NPC1L1: variants seen among roughly 807,000 people sequenced by gnomAD.
The protein encoded by NPC1L1 is NPC1 like intracellular cholesterol transporter 1, also known as NPC1-like intracellular cholesterol transporter 1.
NPC1L1 carries 98 observed loss-of-function variants against 117.0 expected under a neutral mutation model. The ratio of observed to expected loss-of-function variants is 0.84; its 90% CI spans 0.71 to 0.99. NPC1L1 has a LOEUF of 0.99. Among genes scored for constraint, NPC1L1 ranks in the 50% least tolerant of loss-of-function variants. NPC1L1 has a pLI of 0.00. For missense variants in NPC1L1, 1,540 were observed against 1,710.0 expected (o/e 0.90, Z 1.75); for synonymous variants, 729 against 727.6 (o/e 1.00, Z -0.03).
chr7:44,522,774 C>T (rs1019784885), intron 10 of NPC1L1, among the ~76,000 whole-genome samples: 15 of 152,196 alleles, frequency 9.9e-5, no homozygotes, highest in Non-Finnish European at 2.2e-4. Flanking sequence ...CACACACTGA[C>T]ACACACAAAC....
rs1422731262 is a variant in NPC1L1 at position 44,513,429 on chromosome 7, A to G, written c.*18T>C. 3.7e-6 allele frequency: 6 copies of G among 1,612,494 alleles called. No individual in the cohort carries two copies. Among genetic ancestry groups the G allele is most frequent in the Non-Finnish European group, 5.1e-6 (6 of 1,178,542 alleles). ...TTTGGTTCAGGGCCATAGAGCCTAG[A>G]CAGGGCCTCTGGCTGTATCAGAACT... On this transcript the variant is annotated 3_prime_UTR_variant, in exon 19 of 19. Coordinates refer to ENST00000381160, the MANE Select transcript of NPC1L1 (RefSeq NM_001101648.2).
intron 14 of NPC1L1, among the ~76,000 whole-genome samples, chr7:44,519,476 G>A (rs1801287354): frequency 6.6e-6 from 1 of 152,152 alleles, no homozygotes; most frequent in Non-Finnish European, 1.5e-5. Flanking sequence ...GGCTGGGCAG[G>A]GTGCATTGCC....
intron 10 of NPC1L1, 90 bp downstream of exon 10, chr7:44,531,665 G>T: frequency 8.6e-7 from 1 of 1,158,100 alleles, no homozygotes; most frequent in Non-Finnish European, 1.3e-6. Flanking sequence ...CAAGCCCCTG[G>T]CCGGAGGACC....
At chr7:44,521,625 G>A (rs1801355126) in intron 12 of NPC1L1, 87 bp downstream of exon 12, 1 of 1,593,780 alleles carries the variant, frequency 6.3e-7, no homozygotes, top group Non-Finnish European at 8.6e-7. Flanking sequence ...GGGAGAGGTT[G>A]AGGGAGCCTC....
rs368578635 is a variant in NPC1L1 at position 44,540,233 on chromosome 7, A to G, written c.164T>C (p.Val55Ala). 5.0e-6 allele frequency: 8 copies of G among 1,613,952 alleles called. No individual in the cohort carries two copies. In the African/African-American group the frequency reaches 1.1e-4, roughly 22 times the overall value. ...GGCCGGCGTGTTGGACAGGCAGGAC[A>G]CGTTGGAGAGTGTCATGAGGCTTCC... is the stretch of plus-strand genomic sequence containing the variant. Reference protein sequence around the residue: ...LSGSLMTLSNVSCLSNTPARK... With the variant: ...LSGSLMTLSNASCLSNTPARK... The change falls in exon 2 of 19, where the codon GTG becomes GCG. Residue 55 changes from valine to alanine, a missense_variant. By Grantham distance (64) the Val-to-Ala change is moderately conservative. Transcript: ENST00000381160.
chr7:44,532,322 A>C (rs1462382091), intron 8 of NPC1L1, 105 bp from the exon 9 acceptor site: 1 of 1,369,794 alleles, frequency 7.3e-7, no homozygotes, highest in Non-Finnish European at 1.0e-6. Context: ...GGCCCGTGCC[A>C]GTGCCCTCAT....
chr7:44,513,343 C>T lies in NPC1L1; in HGVS notation c.*104G>A. 8.9e-7 allele frequency: 1 copy of T among 1,123,898 alleles called. No homozygotes were observed. Among genetic ancestry groups the T allele is most frequent in the Non-Finnish European group, 1.3e-6 (1 of 744,256 alleles). 69.6% of individuals were successfully genotyped at this position (1,123,898 alleles called of 1,614,324 possible). ...ACAGGCAGTCTCATGGGAATGGCCT[C>T]CCCTAGGATTTGAGGAGGGCGTGTG... On this transcript the variant is annotated 3_prime_UTR_variant, in exon 19 of 19. Coordinates refer to ENST00000381160, the MANE Select transcript of NPC1L1 (RefSeq NM_001101648.2).
In NPC1L1 at chr7:44,539,580, C is replaced by A. The variant is rs138140250; in HGVS notation, c.817G>T (p.Asp273Tyr). ...ATCTGGCCCAGGTAGAAGGTGGAGT[C>A]GAGGGCCTGGGGGCGGGCTATGGCA... The part of the protein sequence containing the change: ...CPAIARPQAL[D>Y]STFYLGQMPG... Residue 273 changes from aspartate to tyrosine, a missense_variant, in exon 2 of 19, where the codon GAC (aspartate) becomes TAC (tyrosine). This residue lies in a region of NPC1L1 where 793 missense variants were observed against 820.4 expected (regional missense o/e 0.97). Transcript: ENST00000381160. This position sits in a 1 kb window ranked among gnomAD's most constrained non-coding sequence, Gnocchi z 4.4. The A allele has an allele frequency of 1.9e-3, 3,137 of 1,614,040 alleles. 95 individuals are homozygous for A. In the Admixed American group the frequency reaches 0.05, roughly 25 times the overall value.
At position 44,538,778 on chromosome 7, in the gene NPC1L1, C is replaced by G. The variant is rs769780399; in HGVS notation, c.1580+39G>C. ...GAGGCCATGGCAGCCCAGCCCCAGC[C>G]CCAGCCCACTCCTCGCTTGGGCCCC... On this transcript the variant is annotated intron_variant, in intron 2 of 18. Transcript: ENST00000381160. The surrounding 1 kb of genome is among the most constrained non-coding windows in gnomAD (Gnocchi z 5.9). The G allele has an allele frequency of 4.4e-5, 70 of 1,607,394 alleles. No individual in the cohort carries two copies. The South Asian group carries it at 7.3e-4, about 17-fold the overall frequency.
chr7:44,538,905 G>C lies in NPC1L1; in HGVS notation c.1492C>G (p.Arg498Gly), dbSNP rs138815315. Reference sequence around the variant, plus strand: ...TTGGCTGTGAGCAGCAGGAGCGTGCGGTTGTTCTGGAAATACTGCAGGAGG... The same window carrying C: ...TTGGCTGTGAGCAGCAGGAGCGTGCCGTTGTTCTGGAAATACTGCAGGAGG... ...NSLLQYFQNN[R>G]TLLLLTANQT... The change falls in exon 2 of 19, where the codon CGC (arginine) becomes GGC (glycine). Residue 498 changes from arginine to glycine, a missense_variant. Coordinates refer to ENST00000381160, the MANE Select transcript of NPC1L1 (RefSeq NM_001101648.2). The surrounding 1 kb of genome is among the most constrained non-coding windows in gnomAD (Gnocchi z 5.9). 1 of 1,614,112 alleles carries C rather than the reference G, an allele frequency of 6.2e-7. No individual in the cohort carries two copies. Among genetic ancestry groups the C allele is most frequent in the Non-Finnish European group, 8.5e-7 (1 of 1,180,040 alleles).
In NPC1L1 at chr7:44,539,294, G is replaced by A. The variant is rs200072878; in HGVS notation, c.1103C>T (p.Ala368Val). ...LSVIPVVALA[A>V]GLVFTELTTD... ...AGTGAGTTCTGTAAAGACCAGGCCCGCTGCCAAGGCCACCACCGGGATGAC... is the reference window on the plus strand; with the variant it reads ...AGTGAGTTCTGTAAAGACCAGGCCCACTGCCAAGGCCACCACCGGGATGAC... The change falls in exon 2 of 19, where the codon GCG (alanine) becomes GTG (valine). Residue 368 changes from alanine (A) to valine (V), a missense_variant. Ala to Val is a moderately conservative substitution (Grantham distance 64). Transcript: ENST00000381160. This position sits in a 1 kb window ranked among gnomAD's most constrained non-coding sequence, Gnocchi z 4.4. 46 of 1,613,948 alleles carry A rather than the reference G, an allele frequency of 2.9e-5. No individual in the cohort carries two copies. Among genetic ancestry groups the A allele is most frequent in the East Asian group, 2.2e-4 (10 of 44,872 alleles).
chr7:44,541,320 G>T lies in NPC1L1; in HGVS notation c.-61C>A. On this transcript the variant is annotated 5_prime_UTR_variant, in exon 1 of 19. Transcript: ENST00000381160. ...CAGGCCTCAGGAACAGCCAAGGGCT[G>T]AACACACATTAAGGCAGCCTCCTCC... 1 of 1,500,220 alleles carries T rather than the reference G, an allele frequency of 6.7e-7. No homozygotes were observed. The highest frequency in any genetic ancestry group is 1.2e-5 in the South Asian group (1 of 82,394). 92.9% of individuals were successfully genotyped at this position (1,500,220 alleles called of 1,614,324 possible). A position where few individuals can be genotyped will look rare whatever the true frequency, so the allele number is the denominator to read the frequency against.
intron 12 of NPC1L1, among the ~76,000 whole-genome samples, chr7:44,521,438 C>T (rs1313333491): frequency 1.3e-5 from 2 of 152,222 alleles, no homozygotes; most frequent in African/African-American, 2.4e-5. Flanking sequence ...CCTGACTCCC[C>T]ACTGCCCTGC....
chr7:44,519,808 C>CTTTT (rs367934615), intron 14 of NPC1L1, among the ~76,000 whole-genome samples: 5 of 149,164 alleles, frequency 3.4e-5, no homozygotes, highest in African/African-American at 4.9e-5. Flanking sequence ...TTACTTTTTT[C>CTTTT]TTTCTTTTTT....
chr7:44,534,486 C>G lies in NPC1L1; in HGVS notation c.2127G>C (p.Val709=). The G allele has an allele frequency of 1.9e-6, 3 of 1,614,124 alleles. No homozygotes were observed. The East Asian group carries it at 6.7e-5, about 36-fold the overall frequency. ...CAAAGATGAAGATGTTATCAGCCCC[C>G]ACGGACAGCACCAGGAAAGGAACCA... ...LQVVPFLVLS[V]GADNIFIFVL... The change falls in exon 6 of 19, where the codon GTG becomes GTC. Residue 709 remains valine (V), a synonymous_variant. Transcript: ENST00000381160. This position sits in a 1 kb window ranked among gnomAD's most constrained non-coding sequence, Gnocchi z 5.2.
At chr7:44,518,668 T>TG in intron 14 of NPC1L1, 1 of 1,008,788 alleles carries the variant, frequency 9.9e-7, no homozygotes, top group South Asian at 1.5e-5. Flanking sequence ...CAACTGTGTC[T>TG]CAAAAAAAAA....
intron 10 of NPC1L1, among the ~76,000 whole-genome samples, chr7:44,529,077 A>T (rs1417977970): frequency 1.3e-5 from 2 of 149,854 alleles, no homozygotes; most frequent in African/African-American, 4.9e-5. Context: ...TCTCAAAAAA[A>T]AAAAAGAAAA....
In NPC1L1 at chr7:44,539,966, T is replaced by G; in HGVS notation, c.431A>C (p.Gln144Pro). 1 of 1,614,208 alleles carries G rather than the reference T, an allele frequency of 6.2e-7. No homozygotes were observed. Among genetic ancestry groups the G allele is most frequent in the Non-Finnish European group, 8.5e-7 (1 of 1,180,042 alleles). The part of the protein sequence containing the change: ...SLFINVTRVA[Q>P]LGAGQLPAVV... Reference sequence around the variant, plus strand: ...AGCTGGGAGTTGTCCAGCCCCTAGCTGGGCCACGCGGGTCACATTGATGAA... The same window carrying G: ...AGCTGGGAGTTGTCCAGCCCCTAGCGGGGCCACGCGGGTCACATTGATGAA... Residue 144 changes from glutamine to proline, a missense_variant, in exon 2 of 19, where the codon CAG (glutamine) becomes CCG (proline). Gln to Pro is a moderately conservative substitution (Grantham distance 76). This residue lies in a region of NPC1L1 where 793 missense variants were observed against 820.4 expected (regional missense o/e 0.97). Transcript: ENST00000381160. This position sits in a 1 kb window ranked among gnomAD's most constrained non-coding sequence, Gnocchi z 4.4.
Position 44,513,513 on chromosome 7 carries a change from A to C in NPC1L1, c.3933T>G (p.Phe1311Leu), listed in dbSNP as rs775025237. The change falls in exon 19 of 19, where the codon TTT becomes TTG. Residue 1311 changes from phenylalanine to leucine, a missense_variant. Around this residue, in one of 3 missense-constraint regions of NPC1L1, gnomAD observed 742 missense variants for 873.6 expected, o/e 0.85. Transcript: ENST00000381160. ...TADNIYVNHS[F>L]EGSIKGAGAI... ...CACCAGCACCTTTGATAGAACCTTC[A>C]AAGCTGTGGTTGACATAGATGTTGT... is the stretch of plus-strand genomic sequence containing the variant. 6.2e-7 allele frequency: 1 copy of C among 1,614,232 alleles called. No homozygotes were observed. Among genetic ancestry groups the C allele is most frequent in the Admixed American group, 1.7e-5 (1 of 60,030 alleles).
Sources: allele counts gnomAD v4.1 joint callset (sites outside exome capture counted in the v4.1 genomes callset), GRCh38; gene constraint gnomAD v4.1.1; regional missense constraint gnomAD v4.1.1; non-coding constraint Gnocchi (gnomAD v3.1); transcripts MANE v1.5; gene names NCBI Gene and HGNC (gene_info 2026-07-23, HGNC 2026-07-21).